CYB5R1: variants seen among roughly 807,000 people sequenced by gnomAD.
CYB5R1 encodes the protein NADH-cytochrome b5 reductase 1.
Under a neutral mutation model 37.4 loss-of-function variants are expected in CYB5R1, and 32 were observed. The ratio of observed to expected loss-of-function variants is 0.86; its 90% CI spans 0.65 to 1.15. The LOEUF is 1.15. Among genes scored for constraint, CYB5R1 ranks in the 50% most tolerant of loss-of-function variants. The pLI, the probability that CYB5R1 is intolerant of heterozygous loss-of-function variation, is 0.00. For synonymous variants in CYB5R1, 159 were observed against 155.2 expected (o/e 1.02, Z -0.18); for missense variants, 345 against 382.5 (o/e 0.90, Z 0.82).
intron 5 of CYB5R1, 100 bp from the exon 6 acceptor site, chr1:202,964,795 A>G: frequency 1.2e-6 from 1 of 835,374 alleles, no homozygotes; most frequent in Non-Finnish European, 2.1e-6. Flanking sequence ...CCAGTTGAGC[A>G]GCTGCTATGA....
chr1:202,963,243 C>A, intron 7 of CYB5R1, 78 bp from the exon 8 acceptor site: 2 of 1,011,060 alleles, frequency 2.0e-6, no homozygotes, highest in Non-Finnish European at 3.0e-6. Context: ...TACAACTTTC[C>A]AACTAAGAAA....
chr1:202,964,722 G>A, intron 5 of CYB5R1, 27 bp from the exon 6 acceptor site: 1 of 1,538,030 alleles, frequency 6.5e-7, no homozygotes, highest in Non-Finnish European at 9.0e-7. Flanking sequence ...AGAGAGCAGT[G>A]GAAGAATAAA....
Position 202,965,919 on chromosome 1 carries a change from C to T in CYB5R1, c.313G>A (p.Glu105Lys). 3.7e-6 allele frequency: 6 copies of T among 1,613,916 alleles called. No individual in the cohort carries two copies. The highest frequency in any genetic ancestry group is 2.2e-5 in the East Asian group (1 of 44,888). The change falls in exon 4 of 9, where the codon GAG becomes AAG. Residue 105 changes from glutamate (E) to lysine (K), a missense_variant. Coordinates refer to ENST00000367249, the MANE Select transcript of CYB5R1 (RefSeq NM_016243.3). Reference protein sequence around the residue: ...IRPYTPVTSDEDQGYVDLVIK... With the variant: ...IRPYTPVTSDKDQGYVDLVIK... The stretch of plus-strand genomic sequence containing the variant: ...ACAAGATCCACATAGCCTTGATCCT[C>T]ATCACTGGTGACAGGAGTGTATGGC...
In CYB5R1 at chr1:202,965,629, CTTTCTTTCT is replaced by C. The variant is rs1655074506; in HGVS notation, c.346-138_346-130del. The C allele has an allele frequency of 1.5e-5, 13 of 855,958 alleles. 1 individual carries two copies. In the African/African-American group the frequency reaches 2.4e-4, roughly 16 times the overall value. The allele number at this position is 855,958 out of a possible 1,614,324, so 53.0% of individuals were successfully genotyped here. A position where few individuals can be genotyped will look rare whatever the true frequency, so the allele number is the denominator to read the frequency against. The stretch of plus-strand genomic sequence containing the variant: ...TATCTTTTCCCCGTCTACATACTTT[CTTTCTTTCT>C]TTTTTTTTTTTGAGTCAGAGTTTTG... On this transcript the variant is annotated intron_variant, in intron 4 of 8. Coordinates refer to ENST00000367249, the MANE Select transcript of CYB5R1 (RefSeq NM_016243.3).
chr1:202,965,207 G>T lies in CYB5R1; in HGVS notation c.475+164C>A, dbSNP rs1462429652. On this transcript the variant is annotated intron_variant, in intron 5 of 8. Coordinates refer to ENST00000367249, the MANE Select transcript of CYB5R1 (RefSeq NM_016243.3). ...AGGAACTGCTTCCTGTGGCAAATGG[G>T]GCTGAGAAACATGCCTTTCTATTGT... The T allele has an allele frequency of 6.4e-6, 5 of 781,674 alleles. No individual in the cohort carries two copies. In the East Asian group the frequency reaches 8.7e-5, roughly 14 times the overall value. The allele number at this position is 781,674 out of a possible 1,614,324, so 48.4% of individuals were successfully genotyped here.
chr1:202,962,117 C>T lies in CYB5R1; in HGVS notation c.*410G>A, dbSNP rs1261102285. On this transcript the variant is annotated 3_prime_UTR_variant, in exon 9 of 9. Coordinates refer to ENST00000367249, the MANE Select transcript of CYB5R1 (RefSeq NM_016243.3). ...TATGCTCAACTTATACTCACACATA[C>T]AGATTTGCTCATAGGTTGAACAGTG... The T allele has an allele frequency of 6.2e-6, 1 of 162,028 alleles. No individual in the cohort carries two copies. Among genetic ancestry groups the T allele is most frequent in the African/African-American group, 2.4e-5 (1 of 41,762 alleles). The allele number at this position is 162,028 out of a possible 1,614,324, so 10.0% of individuals were successfully genotyped here.
At position 202,963,091 on chromosome 1, in the gene CYB5R1, C is replaced by A. The variant is rs368686887; in HGVS notation, c.720G>T (p.Trp240Cys). 5.6e-5 allele frequency: 91 copies of A among 1,614,140 alleles called. 1 individual carries two copies. The East Asian group carries it at 1.2e-3, about 22-fold the overall frequency. ...CTTTTGGGGGATGATCCAGAGTGAA[C>A]CAGAGCTTAAAGCGATTGGGATAGC... ...QARYPNRFKL[W>C]FTLDHPPKDW... Residue 240 changes from tryptophan (W) to cysteine (C), a missense_variant, in exon 8 of 9, where the codon TGG (tryptophan) becomes TGT (cysteine). Trp to Cys is a radical substitution (Grantham distance 215). Transcript: ENST00000367249.
rs773146577 is a variant in CYB5R1 at position 202,964,693 on chromosome 1, G to T, written c.478C>A (p.His160Asn). 1.9e-6 allele frequency: 3 copies of T among 1,610,644 alleles called. No homozygotes were observed. Among genetic ancestry groups the T allele is most frequent in the Admixed American group, 3.3e-5 (2 of 60,020 alleles). The change falls in exon 6 of 9, where the codon CAT (histidine) becomes AAT (asparagine). Residue 160 changes from histidine to asparagine, a missense_variant and splice_region_variant. Transcript: ENST00000367249. ...TTCTTGTTGGGCTGAATGTTAAAAT[G>T]CCCTGAGAGGTCAGGTGAAGAGAGC... ...SGLLTYTGKG[H>N]FNIQPNKKSP... is the part of the protein sequence containing the mutation.
At chr1:202,962,977 G>T in intron 8 of CYB5R1, 89 bp downstream of exon 8, 1 of 1,253,256 alleles carries the variant, frequency 8.0e-7, no homozygotes, top group South Asian at 1.2e-5. Context: ...AGGCAAGGTT[G>T]ATTTCAATGA....
rs770705433 is a variant in CYB5R1 at position 202,965,516 on chromosome 1, G to GA, written c.346-17dup. On this transcript the variant is annotated splice_polypyrimidine_tract_variant and intron_variant, in intron 4 of 8. Transcript: ENST00000367249. Reference sequence around the variant, plus strand: ...TCAGGTAGACCTTACAAGACAGAGAGAAAAATACCTTATTTGGAATGTCAC... The same window carrying GA: ...TCAGGTAGACCTTACAAGACAGAGAGAAAAAATACCTTATTTGGAATGTCAC... 8 of 1,561,042 alleles carry GA rather than the reference G, an allele frequency of 5.1e-6. No homozygotes were observed. The highest frequency in any genetic ancestry group is 4.2e-5 in the Admixed American group (2 of 47,594).
At chr1:202,964,567 A>C (rs765759650) in intron 6 of CYB5R1, 45 bp downstream of exon 6, 2 of 1,427,912 alleles carry the variant, frequency 1.4e-6, no homozygotes, top group Admixed American at 3.3e-5. Flanking sequence ...TTTGCATGGC[A>C]ACAGTCAACA....
intron 8 of CYB5R1, 113 bp downstream of exon 8, chr1:202,962,953 G>A (rs573326198): frequency 6.6e-6 from 7 of 1,068,574 alleles, no homozygotes; most frequent in African/African-American, 6.2e-5. Flanking sequence ...TCAGACTTCC[G>A]AGTTGGCAGT....
intron 1 of CYB5R1, 80 bp from the exon 2 acceptor site, chr1:202,966,978 A>G (rs548804508): frequency 1.3e-6 from 2 of 1,495,454 alleles, no homozygotes; most frequent in African/African-American, 2.8e-5. Flanking sequence ...AGGGGTGGCG[A>G]TCCCGAGCTC....
Position 202,965,485 on chromosome 1 carries a change from C to T in CYB5R1, c.361G>A (p.Val121Met). 1.3e-6 allele frequency: 2 copies of T among 1,599,178 alleles called. No homozygotes were observed. The highest frequency in any genetic ancestry group is 1.7e-5 in the Admixed American group (1 of 57,674). The change falls in exon 5 of 9, where the codon GTG becomes ATG. Residue 121 changes from valine (V) to methionine (M), a missense_variant. Val to Met is a conservative substitution (Grantham distance 21). Coordinates refer to ENST00000367249, the MANE Select transcript of CYB5R1 (RefSeq NM_016243.3). ...DLVIKVYLKG[V>M]HPKFPEGGKM... Reference sequence around the variant, plus strand: ...CCTCCCTCAGGAAATTTGGGGTGCACACCCTTCAGGTAGACCTTACAAGAC... The same window carrying T: ...CCTCCCTCAGGAAATTTGGGGTGCATACCCTTCAGGTAGACCTTACAAGAC...
Position 202,965,510 on chromosome 1 carries a change from C to T in CYB5R1, c.346-10G>A, listed in dbSNP as rs1045566686. 3.2e-6 allele frequency: 5 copies of T among 1,566,102 alleles called. No individual in the cohort carries two copies. The highest frequency in any genetic ancestry group is 2.1e-5 in the Admixed American group (1 of 48,478). On this transcript the variant is annotated splice_polypyrimidine_tract_variant and intron_variant, in intron 4 of 8. Coordinates refer to ENST00000367249, the MANE Select transcript of CYB5R1 (RefSeq NM_016243.3). The stretch of plus-strand genomic sequence containing the variant: ...CACCCTTCAGGTAGACCTTACAAGA[C>T]AGAGAGAAAAATACCTTATTTGGAA...
Position 202,962,404 on chromosome 1 carries a change from A to G in CYB5R1, c.*123T>C. On this transcript the variant is annotated 3_prime_UTR_variant, in exon 9 of 9. Coordinates refer to ENST00000367249, the MANE Select transcript of CYB5R1 (RefSeq NM_016243.3). ...TATTGTTCCTGCAGGTACTATCCAGATTTCAGCTCTAGATGTAACTGAAAA... is the reference window on the plus strand; with the variant it reads ...TATTGTTCCTGCAGGTACTATCCAGGTTTCAGCTCTAGATGTAACTGAAAA... The G allele has an allele frequency of 8.3e-7, 1 of 1,208,430 alleles. No homozygotes were observed. Among genetic ancestry groups the G allele is most frequent in the South Asian group, 1.5e-5 (1 of 64,802 alleles). 74.9% of individuals were successfully genotyped at this position (1,208,430 alleles called of 1,614,324 possible).
Position 202,963,705 on chromosome 1 carries a change from C to T in CYB5R1, c.582G>A (p.Leu194=), listed in dbSNP as rs1429932563. The T allele has an allele frequency of 6.2e-7, 1 of 1,609,712 alleles. No individual in the cohort carries two copies. The highest frequency in any genetic ancestry group is 8.5e-7 in the Non-Finnish European group (1 of 1,177,696). The stretch of plus-strand genomic sequence containing the variant: ...CAGGGACTTTCAGGATGGCCCGGAT[C>T]AGCTGTAGCATTGGGGTGATTCCTG... ...GGTGITPMLQ[L]IRAILKVPED... Residue 194 remains leucine (L), a synonymous_variant, in exon 7 of 9, where the codon CTG becomes CTA. Coordinates refer to ENST00000367249, the MANE Select transcript of CYB5R1 (RefSeq NM_016243.3).
At chr1:202,966,019 A>G in intron 3 of CYB5R1, 26 bp from the exon 4 acceptor site, 1 of 1,471,908 alleles carries the variant, frequency 6.8e-7, no homozygotes, top group Non-Finnish European at 9.5e-7. Context: ...AGAGCTACAT[A>G]AGGGTTGTCT....
chr1:202,966,848 G>T lies in CYB5R1; in HGVS notation c.66C>A (p.Gly22=). ...GAACCAAGTAGGAGCCCACAGCCAG[G>T]CCGAGCAGAGTGACCAGCCCCACCC... is the stretch of plus-strand genomic sequence containing the variant. ...SLGVGLVTLL[G]LAVGSYLVRR... Residue 22 remains glycine (G), a synonymous_variant, in exon 2 of 9, where the codon GGC becomes GGA. Coordinates refer to ENST00000367249, the MANE Select transcript of CYB5R1 (RefSeq NM_016243.3). 6.2e-7 allele frequency: 1 copy of T among 1,613,944 alleles called. No individual in the cohort carries two copies. Among genetic ancestry groups the T allele is most frequent in the Non-Finnish European group, 8.5e-7 (1 of 1,179,934 alleles).
Sources: gnomAD v4.1 joint callset for allele counts on GRCh38, gnomAD v4.1.1 for gene constraint, MANE v1.5 for transcripts, NCBI Gene and HGNC (gene_info 2026-07-23, HGNC 2026-07-21) for gene names.